The following REDIC1 variants were observed in gnomAD, a reference collection of about 807,000 sequenced individuals.
The protein encoded by REDIC1 is regulator of DNA class I crossover intermediates 1.
chr12:39,739,666 TA>T, the REDIC1 span, among the ~76,000 whole-genome samples: 1 of 152,150 alleles, frequency 6.6e-6, no homozygotes, highest in Non-Finnish European at 1.5e-5. Flanking sequence ...TTTTTGAAAT[TA>T]ATTATAAAAG....
the REDIC1 span, among the ~76,000 whole-genome samples, chr12:39,904,534 T>C: frequency 6.6e-6 from 1 of 152,102 alleles, no homozygotes; most frequent in East Asian, 1.9e-4. Flanking sequence ...GGACACTCTC[T>C]CTTTCATATG....
At chr12:39,830,071 T>TAC in the REDIC1 span, 1 of 1,612,534 alleles carries the variant, frequency 6.2e-7, no homozygotes, top group East Asian at 2.2e-5. Context: ...GAAATATTAT[T>TAC]ATATATTCGT....
At chr12:39,654,715 C>T in the REDIC1 span, among the ~76,000 whole-genome samples, 3 of 151,452 alleles carry the variant, frequency 2.0e-5, no homozygotes, top group Non-Finnish European at 4.4e-5. Context: ...TTTATTTCTT[C>T]GTGATTGTTC....
the REDIC1 span, among the ~76,000 whole-genome samples, chr12:39,751,249 A>G: frequency 8.5e-5 from 13 of 152,298 alleles, no homozygotes; most frequent in South Asian, 2.7e-3. Context: ...GGATATGAAC[A>G]GACACTTCTC....
the REDIC1 span, among the ~76,000 whole-genome samples, chr12:39,671,965 G>T: frequency 6.6e-6 from 1 of 152,148 alleles, no homozygotes; most frequent in African/African-American, 2.4e-5. Context: ...CTTGGGCAGT[G>T]GGGGCTAGTG....
chr12:39,644,290 A>C, the REDIC1 span, among the ~76,000 whole-genome samples: 2 of 151,772 alleles, frequency 1.3e-5, no homozygotes, highest in African/African-American at 4.8e-5. Flanking sequence ...TATGTCTGAA[A>C]GGAAGATCTG....
the REDIC1 span, among the ~76,000 whole-genome samples, chr12:39,675,614 C>T: frequency 1.3e-5 from 2 of 152,214 alleles, no homozygotes; most frequent in African/African-American, 4.8e-5. Context: ...TGAGTCTGTT[C>T]ATGTGACAAC....
chr12:39,841,993 T>A, the REDIC1 span, among the ~76,000 whole-genome samples: 3 of 152,098 alleles, frequency 2.0e-5, no homozygotes, highest in Non-Finnish European at 4.4e-5. Flanking sequence ...CTCATTTAAT[T>A]CTTACATTGG....
the REDIC1 span, among the ~76,000 whole-genome samples, chr12:39,715,194 A>G: frequency 2.7e-3 from 418 of 152,088 alleles, no homozygotes; most frequent in Non-Finnish European, 4.9e-3. Context: ...TTATAATTTC[A>G]AGTCTTAGGT....
At chr12:39,714,167 G>A in the REDIC1 span, among the ~76,000 whole-genome samples, 1 of 139,866 alleles carries the variant, frequency 7.1e-6, no homozygotes, top group East Asian at 2.0e-4. Flanking sequence ...GCATATATGC[G>A]TATATGTATA....
At chr12:39,872,832 T>C in the REDIC1 span, among the ~76,000 whole-genome samples, 1 of 152,226 alleles carries the variant, frequency 6.6e-6, no homozygotes, top group Non-Finnish European at 1.5e-5. Flanking sequence ...AAATCTTAAA[T>C]ACACATTCTG....
At chr12:39,684,930 A>G in the REDIC1 span, 84 of 1,606,104 alleles carry the variant, frequency 5.2e-5, no homozygotes, top group Non-Finnish European at 6.7e-5. Context: ...TTGATGAGGT[A>G]AAGCACAGTC....
the REDIC1 span, among the ~76,000 whole-genome samples, chr12:39,635,304 A>G: frequency 6.6e-6 from 1 of 152,182 alleles, no homozygotes; most frequent in Non-Finnish European, 1.5e-5. Flanking sequence ...CATATACCCA[A>G]AGGATTATAA....
At chr12:39,841,812 A>G in the REDIC1 span, among the ~76,000 whole-genome samples, 1 of 152,080 alleles carries the variant, frequency 6.6e-6, no homozygotes, top group Non-Finnish European at 1.5e-5. Flanking sequence ...TAGAAAAATT[A>G]GAAGGAATAC....
At chr12:39,785,336 G>T in the REDIC1 span, among the ~76,000 whole-genome samples, 1 of 152,226 alleles carries the variant, frequency 6.6e-6, no homozygotes, top group Non-Finnish European at 1.5e-5. Flanking sequence ...TGGCTTCAGA[G>T]AGTGGAAGCC....
chr12:39,896,576 G>A, the REDIC1 span, among the ~76,000 whole-genome samples: 2 of 97,564 alleles, frequency 2.0e-5, no homozygotes, highest in African/African-American at 7.7e-5. Context: ...ATGTATGTAT[G>A]TGTGTATATA....
the REDIC1 span, among the ~76,000 whole-genome samples, chr12:39,707,484 A>C: frequency 1.3e-5 from 2 of 151,924 alleles, no homozygotes; most frequent in Non-Finnish European, 2.9e-5. Context: ...GAGCTACCAT[A>C]TGATCAAGCA....
chr12:39,728,019 C>G, the REDIC1 span, among the ~76,000 whole-genome samples: 164 of 152,192 alleles, frequency 1.1e-3, 2 homozygotes, highest in South Asian at 0.014. Flanking sequence ...CTGAGACTTT[C>G]CTGAAGTTGC....
At chr12:39,870,659 A>G in the REDIC1 span, among the ~76,000 whole-genome samples, 1 of 152,218 alleles carries the variant, frequency 6.6e-6, no homozygotes, top group Admixed American at 6.5e-5. Context: ...TTAGTTCAGT[A>G]TATATCCTGG....
Sources: allele counts gnomAD v4.1 joint callset (sites outside exome capture counted in the v4.1 genomes callset), GRCh38; gene constraint gnomAD v4.1.1; transcripts MANE v1.5; gene names NCBI Gene and HGNC (gene_info 2026-07-23, HGNC 2026-07-21).